Variants in APP observed in about 807,000 individuals in gnomAD.
APP encodes amyloid-beta precursor protein.
A neutral mutation model predicts 101.4 loss-of-function variants in APP; 31 were observed. That is an observed-to-expected ratio of 0.31 (90% CI 0.23 to 0.41). The LOEUF is 0.41. Among genes scored for constraint, APP ranks in the 10% least tolerant of loss-of-function variants. APP has a pLI of 1.00. For synonymous variants in APP, 366 were observed against 364.4 expected (o/e 1.00, Z -0.05); for missense variants, 839 against 1,003.7 (o/e 0.84, Z 2.22).
chr21:26,141,910 C>T (rs2063054648), intron 1 of APP, among the ~76,000 whole-genome samples: 1 of 152,228 alleles, frequency 6.6e-6, no homozygotes, highest in African/African-American at 2.4e-5. Context: ...AGGCCCTCAA[C>T]CTGCACAGGT....
intron 5 of APP, among the ~76,000 whole-genome samples, chr21:26,043,692 T>G (rs2045476489): frequency 6.6e-6 from 1 of 152,256 alleles, no homozygotes; most frequent in South Asian, 2.1e-4. Context: ...ATGCCAAGTA[T>G]TTTCCTGCAT....
chr21:25,983,221 A>G (rs554818748), intron 8 of APP, among the ~76,000 whole-genome samples: 1 of 152,248 alleles, frequency 6.6e-6, no homozygotes, highest in Non-Finnish European at 1.5e-5. Flanking sequence ...GAATTATAAT[A>G]CCTATACAAG....
rs1334625330 is a variant in APP, at chr21:25,895,720, A to AT, written c.2064+1852dup. Among the ~76,000 whole-genome samples the AT allele has an allele frequency of 2.0e-5, 3 of 152,226 alleles. No homozygotes were observed. The East Asian group carries it at 5.8e-4, about 29-fold the overall frequency. On this transcript the variant is annotated intron_variant, in intron 16 of 17. Transcript: ENST00000346798. ...TGTTTTACTCGTGGTTTATAACAAA[A>AT]TGAGAAATTGTTCATAATTATTCCC... is the stretch of plus-strand genomic sequence containing the variant.
intron 9 of APP, among the ~76,000 whole-genome samples, 168 bp from the exon 10 acceptor site, chr21:25,976,196 T>A (rs2042217694): frequency 6.6e-6 from 1 of 152,220 alleles, no homozygotes; most frequent in Non-Finnish European, 1.5e-5. Flanking sequence ...CCCACTAGGA[T>A]ATAAATAATT....
chr21:26,004,056 C>T (rs976147050), intron 6 of APP, among the ~76,000 whole-genome samples: 2 of 152,142 alleles, frequency 1.3e-5, no homozygotes, highest in African/African-American at 4.8e-5. Context: ...CTGGGAGAAG[C>T]TGGGACTGAG....
At chr21:26,016,817 G>T (rs935408176) in intron 6 of APP, among the ~76,000 whole-genome samples, 2 of 152,018 alleles carry the variant, frequency 1.3e-5, no homozygotes, top group Non-Finnish European at 2.9e-5. Context: ...TTATCCGCCT[G>T]CCTCGGCCTC....
intron 3 of APP, among the ~76,000 whole-genome samples, chr21:26,060,490 C>T (rs1411834232): frequency 6.6e-6 from 1 of 152,146 alleles, no homozygotes; most frequent in Non-Finnish European, 1.5e-5. Flanking sequence ...TGTCTCAGTG[C>T]TAAGAATACA....
chr21:26,020,790 G>A (rs1174108322), intron 6 of APP, among the ~76,000 whole-genome samples: 1 of 152,068 alleles, frequency 6.6e-6, no homozygotes, highest in African/African-American at 2.4e-5. Context: ...CAGTTTACTC[G>A]TTTCTGTAAC....
At chr21:26,016,558 T>A (rs1347219712) in intron 6 of APP, among the ~76,000 whole-genome samples, 1 of 152,136 alleles carries the variant, frequency 6.6e-6, no homozygotes, top group East Asian at 1.9e-4. Context: ...ACCAGTTATG[T>A]GACCCAGGAC....
intron 17 of APP, among the ~76,000 whole-genome samples, chr21:25,890,749 A>T (rs900765302): frequency 2.1e-5 from 3 of 142,204 alleles, no homozygotes; most frequent in Admixed American, 7.1e-5. Flanking sequence ...AGCAATGGGG[A>T]ATATGAGGGG....
At chr21:25,955,466 C>A (rs2041272664) in intron 12 of APP, among the ~76,000 whole-genome samples, 161 bp downstream of exon 12, 1 of 152,172 alleles carries the variant, frequency 6.6e-6, no homozygotes, top group East Asian at 1.9e-4. Flanking sequence ...CCACATATTG[C>A]TCTAAGACAA....
chr21:26,160,790 T>C (rs1253625064), intron 1 of APP, among the ~76,000 whole-genome samples: 1 of 152,218 alleles, frequency 6.6e-6, no homozygotes, highest in East Asian at 1.9e-4. Context: ...GCACCCTCTA[T>C]TGAAAGTGTC....
chr21:26,020,759 T>C lies in APP; in HGVS notation c.865+1081A>G, dbSNP rs45585131. On this transcript the variant is annotated intron_variant, in intron 6 of 17. Coordinates refer to ENST00000346798, the MANE Select transcript of APP (RefSeq NM_000484.4). ...AACTCTTTAAGGAACAAATGCATAC[T>C]CTTTAAGGAACTCAATCCAACAGTT... Among the ~76,000 whole-genome samples the C allele has an allele frequency of 2.0e-5, 3 of 152,306 alleles. No homozygotes were observed. In the East Asian group the frequency reaches 5.8e-4, roughly 29 times the overall value.
In APP at chr21:26,073,242, C is replaced by T. The variant is rs1198340112; in HGVS notation, c.355+16701G>A. Reference sequence around the variant, plus strand: ...AAATATTTTGCAATATTTGGAATTTCTGAATCCTAAATATTGCAAAAGGTG... The same window carrying T: ...AAATATTTTGCAATATTTGGAATTTTTGAATCCTAAATATTGCAAAAGGTG... On this transcript the variant is annotated intron_variant, in intron 3 of 17. Coordinates refer to ENST00000346798, the MANE Select transcript of APP (RefSeq NM_000484.4). Among the ~76,000 whole-genome samples the T allele has an allele frequency of 3.3e-5, 5 of 151,870 alleles. No individual in the cohort carries two copies. In the East Asian group the frequency reaches 7.8e-4, roughly 24 times the overall value.
At chr21:26,031,597 A>G (rs755826318) in intron 5 of APP, among the ~76,000 whole-genome samples, 1 of 152,182 alleles carries the variant, frequency 6.6e-6, no homozygotes, top group Non-Finnish European at 1.5e-5. Flanking sequence ...AAAATGAGGA[A>G]GAAGCAAAAG....
intron 6 of APP, among the ~76,000 whole-genome samples, chr21:26,003,710 C>T (rs1446727579): frequency 1.3e-5 from 2 of 152,140 alleles, no homozygotes; most frequent in African/African-American, 4.8e-5. Context: ...AGCAGATAGG[C>T]CTTCTCTTAA....
intron 8 of APP, among the ~76,000 whole-genome samples, chr21:25,982,744 A>G (rs1223072698): frequency 6.6e-6 from 1 of 152,230 alleles, no homozygotes; most frequent in East Asian, 1.9e-4. Context: ...AGAGTTCTTT[A>G]CGAAACAAGC....
chr21:25,887,462 A>C (rs1360298290), intron 17 of APP, among the ~76,000 whole-genome samples: 3 of 146,652 alleles, frequency 2.0e-5, no homozygotes, highest in African/African-American at 7.6e-5. Context: ...TCACAGAGTG[A>C]CTCTCTGGCC....
intron 1 of APP, among the ~76,000 whole-genome samples, chr21:26,115,919 T>C (rs1241959353): frequency 2.0e-5 from 3 of 152,242 alleles, no homozygotes; most frequent in African/African-American, 4.8e-5. Flanking sequence ...GTTCTATTTA[T>C]GTCTTAACAC....
Sources: gnomAD v4.1 joint callset for allele counts (sites outside exome capture counted in the v4.1 genomes callset) on GRCh38, gnomAD v4.1.1 for gene constraint, MANE v1.5 for transcripts, NCBI Gene and HGNC (gene_info 2026-07-23, HGNC 2026-07-21) for gene names.